CCDC40: variants seen among roughly 807,000 people sequenced by gnomAD.
CCDC40 encodes the protein coiled-coil domain-containing protein 40.
CCDC40 carries 104 observed loss-of-function variants against 124.5 expected under a neutral mutation model. That is an observed-to-expected ratio of 0.84 (90% confidence interval 0.71 to 0.98). The LOEUF is 0.98. Among genes scored for constraint, CCDC40 ranks in the 50% least tolerant of loss-of-function variants. The probability of loss-of-function intolerance (pLI) is 0.00; values close to 1 mark genes in which losing one functional copy is unlikely to be tolerated. For missense variants in CCDC40, 1,463 were observed against 1,503.9 expected (o/e 0.97, Z 0.45); for synonymous variants, 580 against 602.9 (o/e 0.96, Z 0.56).
chr17:80,060,454 G>A (rs564998036), intron 9 of CCDC40, among the ~76,000 whole-genome samples: 3 of 151,758 alleles, frequency 2.0e-5, no homozygotes, highest in Non-Finnish European at 4.4e-5. Flanking sequence ...CAGCTACTCA[G>A]GAGGCTGAGG....
chr17:80,047,482 G>C, intron 4 of CCDC40, 80 bp downstream of exon 4: 1 of 1,466,726 alleles, frequency 6.8e-7, no homozygotes, highest in Non-Finnish European at 9.3e-7. Flanking sequence ...GATGCCACTC[G>C]TTTGTCATCC....
intron 7 of CCDC40, among the ~76,000 whole-genome samples, chr17:80,052,164 G>A (rs1568679886): frequency 6.6e-6 from 1 of 152,176 alleles, no homozygotes; most frequent in Non-Finnish European, 1.5e-5. Flanking sequence ...TTGTCTAGAG[G>A]GACAGAACTA....
chr17:80,091,054 G>A (rs1259637069), intron 17 of CCDC40, among the ~76,000 whole-genome samples: 3 of 152,130 alleles, frequency 2.0e-5, no homozygotes, highest in Admixed American at 6.5e-5. Flanking sequence ...TGTGTCAGCC[G>A]CTGCAGGGAT....
chr17:80,041,366 G>A (rs891219448), intron 3 of CCDC40, among the ~76,000 whole-genome samples: 6 of 152,142 alleles, frequency 3.9e-5, no homozygotes, highest in Non-Finnish European at 7.4e-5. Context: ...AAATTAGCTG[G>A]ACGTGGTGGT....
At position 80,072,673 on chromosome 17, in the gene CCDC40, C is replaced by T. The variant is rs139911643; in HGVS notation, c.1562+7067C>T. On this transcript the variant is annotated intron_variant, in intron 10 of 19. Coordinates refer to ENST00000397545, the MANE Select transcript of CCDC40 (RefSeq NM_017950.4). ...CTAGAATGTCATATAAATGGAATCG[C>T]GCAGTCTGTAGCTTTTCTTGTCTGG... Among the ~76,000 whole-genome samples, 853 of 152,270 alleles carry T rather than the reference C, an allele frequency of 5.6e-3. 9 individuals are homozygous for T. The highest frequency in any genetic ancestry group is 0.02 in the African/African-American group (825 of 41,554).
At chr17:80,080,112 C>A (rs1181384816) in intron 10 of CCDC40, among the ~76,000 whole-genome samples, 1 of 151,910 alleles carries the variant, frequency 6.6e-6, no homozygotes, top group East Asian at 1.9e-4. Flanking sequence ...GTAATCCCAG[C>A]TACTTGAGTG....
chr17:80,060,529 C>T (rs1173332864), intron 9 of CCDC40, among the ~76,000 whole-genome samples: 5 of 150,650 alleles, frequency 3.3e-5, no homozygotes, highest in African/African-American at 1.2e-4. Context: ...TTATTCTCAA[C>T]GAATTGATTT....
chr17:80,084,657 G>A (rs754459614), intron 12 of CCDC40, 86 bp from the exon 13 acceptor site: 344 of 1,505,138 alleles, frequency 2.3e-4, no homozygotes, highest in African/African-American at 4.4e-4. Flanking sequence ...GGAACATCCC[G>A]ACCGTCAGGG....
At chr17:80,096,999 G>A (rs1472784518) in intron 18 of CCDC40, among the ~76,000 whole-genome samples, 1 of 152,196 alleles carries the variant, frequency 6.6e-6, no homozygotes, top group Non-Finnish European at 1.5e-5. Flanking sequence ...CACTGCACGG[G>A]GAGCCCCAGA....
chr17:80,071,773 G>A (rs967448901), intron 10 of CCDC40, among the ~76,000 whole-genome samples: 1 of 151,910 alleles, frequency 6.6e-6, no homozygotes, highest in African/African-American at 2.4e-5. Flanking sequence ...GAGGGAGGCT[G>A]GGCTGAGCCG....
chr17:80,085,781 T>G (rs1049150809), intron 13 of CCDC40, among the ~76,000 whole-genome samples: 11 of 150,316 alleles, frequency 7.3e-5, no homozygotes, highest in East Asian at 2.0e-4. Flanking sequence ...GCGATTCTCC[T>G]GCCTCAGCCT....
At chr17:80,045,862 T>G (rs898793330) in intron 3 of CCDC40, among the ~76,000 whole-genome samples, 2 of 151,552 alleles carry the variant, frequency 1.3e-5, no homozygotes, top group South Asian at 2.1e-4. Context: ...AAAACACTTC[T>G]GCTAGGACAG....
chr17:80,089,621 C>G (rs2038660406), intron 16 of CCDC40, 143 bp from the exon 17 acceptor site: 1 of 986,210 alleles, frequency 1.0e-6, no homozygotes, highest in Non-Finnish European at 1.6e-6. Flanking sequence ...ACACTTCAGG[C>G]TTTGAGAGCC....
chr17:80,076,697 A>T (rs1240778633), intron 10 of CCDC40, among the ~76,000 whole-genome samples: 2 of 151,834 alleles, frequency 1.3e-5, no homozygotes, highest in Non-Finnish European at 2.9e-5. Context: ...ATCAAGTATG[A>T]CTTGATAAAC....
intron 12 of CCDC40, 40 bp downstream of exon 12, chr17:80,082,098 T>G (rs1483390617): frequency 6.3e-7 from 1 of 1,591,144 alleles, no homozygotes; most frequent in African/African-American, 1.4e-5. Context: ...CGAAGCCCCC[T>G]GCAGCCTGGG....
At chr17:80,068,315 G>A (rs1022734752) in intron 10 of CCDC40, among the ~76,000 whole-genome samples, 1 of 152,210 alleles carries the variant, frequency 6.6e-6, no homozygotes, top group Non-Finnish European at 1.5e-5. Context: ...TTACAGGCGG[G>A]AGCCACTGCG....
chr17:80,051,462 T>C (rs1451754835), intron 7 of CCDC40: 1 of 165,976 alleles, frequency 6.0e-6, no homozygotes, highest in African/African-American at 2.4e-5. Context: ...ACCCCGTCTC[T>C]ACTAAAAATA....
chr17:80,091,923 TTATC>T lies in CCDC40; in HGVS notation c.2832+2045_2832+2048del, dbSNP rs368263041. On this transcript the variant is annotated intron_variant, in intron 17 of 19. Coordinates refer to ENST00000397545, the MANE Select transcript of CCDC40 (RefSeq NM_017950.4). ...ACCTTCTTCTCAGTTCTGGTGTTAT[TTATC>T]TATCTTTTTTTTTTTTTAATTGAGG... 1.9e-4 allele frequency among the ~76,000 whole-genome samples: 29 copies of T among 152,238 alleles called. No homozygotes were observed. In the East Asian group the frequency reaches 2.5e-3, roughly 13 times the overall value.
Position 80,084,843 on chromosome 17 carries a change from A to G in CCDC40, c.2090A>G (p.Glu697Gly). The change falls in exon 13 of 20, where the codon GAG becomes GGG. Residue 697 changes from glutamate to glycine, a missense_variant. Glu to Gly is a moderately conservative substitution (Grantham distance 98). Coordinates refer to ENST00000397545, the MANE Select transcript of CCDC40 (RefSeq NM_017950.4). ...RLDAHQKTLV[E>G]LDQDVKKVNE... ...GACGCACACCAGAAGACCCTGGTGGAGCTGGACCAGGACGTGAAGAAAGTC... is the reference window on the plus strand; with the variant it reads ...GACGCACACCAGAAGACCCTGGTGGGGCTGGACCAGGACGTGAAGAAAGTC... The G allele has an allele frequency of 6.2e-7, 1 of 1,614,200 alleles. No homozygotes were observed. The highest frequency in any genetic ancestry group is 1.1e-5 in the South Asian group (1 of 91,088).
Sources: gnomAD v4.1 joint callset for allele counts (sites outside exome capture counted in the v4.1 genomes callset) on GRCh38, gnomAD v4.1.1 for gene constraint, MANE v1.5 for transcripts, NCBI Gene and HGNC (gene_info 2026-07-23, HGNC 2026-07-21) for gene names.